The following GRM8 variants were observed in gnomAD, a reference collection of about 807,000 sequenced individuals.
GRM8 encodes glutamate metabotropic receptor 8, also known as metabotropic glutamate receptor 8.
Under a neutral mutation model 87.2 loss-of-function variants are expected in GRM8, and 47 were observed. The ratio of observed to expected loss-of-function variants is 0.54; its 90% CI spans 0.43 to 0.69. The LOEUF (loss-of-function observed/expected upper bound fraction) is 0.69, where lower values mean the gene tolerates loss of function less well. Among genes scored for constraint, GRM8 ranks in the 30% least tolerant of loss-of-function variants. The pLI, the probability that GRM8 is intolerant of heterozygous loss-of-function variation, is 0.00. For synonymous variants in GRM8, 396 were observed against 404.5 expected, an observed-to-expected ratio of 0.98 and a Z score of 0.25; for missense variants, 1,019 against 1,139.2, an observed-to-expected ratio of 0.89 and a Z score of 1.52.
chr7:126,486,293 G>A (rs1424289236), intron 9 of GRM8, among the ~76,000 whole-genome samples: 1 of 152,032 alleles, frequency 6.6e-6, no homozygotes, highest in East Asian at 1.9e-4. Flanking sequence ...TAATTGTAAT[G>A]CATTTAAATG....
At chr7:127,206,495 G>A (rs910258840) in intron 2 of GRM8, among the ~76,000 whole-genome samples, 4 of 152,130 alleles carry the variant, frequency 2.6e-5, no homozygotes, top group African/African-American at 9.7e-5. Flanking sequence ...GATAAAATAA[G>A]TAACATTTTT....
intron 7 of GRM8, among the ~76,000 whole-genome samples, chr7:126,635,517 T>C (rs951066915): frequency 3.2e-4 from 49 of 152,164 alleles, no homozygotes; most frequent in Non-Finnish European, 4.9e-4. Flanking sequence ...AGTTATTTGT[T>C]CCTGAGAATA....
intron 3 of GRM8, among the ~76,000 whole-genome samples, chr7:127,048,750 GAAA>G (rs1055023898): frequency 6.6e-6 from 1 of 152,146 alleles, no homozygotes; most frequent in African/African-American, 2.4e-5. Context: ...TTCACCTTGT[GAAA>G]ATGCTTCATA....
At chr7:126,659,046 G>GCCCCC (rs1244996828) in intron 7 of GRM8, among the ~76,000 whole-genome samples, 1 of 102,726 alleles carries the variant, frequency 9.7e-6, no homozygotes, top group African/African-American at 4.0e-5. Context: ...CCCCCGCCCC[G>GCCCCC]CCCCCAGGTT....
chr7:126,595,545 G>A (rs1257801808), intron 8 of GRM8, among the ~76,000 whole-genome samples: 1 of 151,892 alleles, frequency 6.6e-6, no homozygotes, highest in East Asian at 1.9e-4. Context: ...AGGATTATAG[G>A]TGTGAGCCAC....
intron 6 of GRM8, among the ~76,000 whole-genome samples, chr7:126,842,764 C>T (rs555128072): frequency 6.6e-6 from 1 of 152,284 alleles, no homozygotes; most frequent in Admixed American, 6.5e-5. Flanking sequence ...ATGCAAGCAG[C>T]TTCTAGAAGC....
chr7:127,015,291 C>T lies in GRM8; in HGVS notation c.727+91205G>A, dbSNP rs545475457. Among the ~76,000 whole-genome samples, 3 of 150,510 alleles carry T rather than the reference C, an allele frequency of 2.0e-5. No individual in the cohort carries two copies. In the South Asian group the frequency reaches 6.4e-4, roughly 32 times the overall value. On this transcript the variant is annotated intron_variant, in intron 3 of 10. Coordinates refer to ENST00000339582, the MANE Select transcript of GRM8 (RefSeq NM_000845.3). ...GAGAGAGAGAGAGAGAGAGAATGAA[C>T]ATGAACCAAAGAAGAAAGAGGAAGA...
chr7:126,749,079 G>A (rs1243596199), intron 7 of GRM8, among the ~76,000 whole-genome samples: 1 of 152,054 alleles, frequency 6.6e-6, no homozygotes, highest in Non-Finnish European at 1.5e-5. Flanking sequence ...TTCGAGACCA[G>A]CCTGGCCAAC....
chr7:127,238,852 C>G (rs1798132706), intron 2 of GRM8, among the ~76,000 whole-genome samples: 1 of 152,230 alleles, frequency 6.6e-6, no homozygotes, highest in African/African-American at 2.4e-5. Context: ...CCACTAAGTG[C>G]AGTCTCTGTT....
At chr7:127,216,528 A>C (rs1197004397) in intron 2 of GRM8, among the ~76,000 whole-genome samples, 10 of 150,650 alleles carry the variant, frequency 6.6e-5, no homozygotes, top group Admixed American at 4.6e-4. Context: ...AAAAAAAAAA[A>C]AAAAAACAAA....
chr7:126,813,540 G>T (rs1040147337), intron 6 of GRM8, among the ~76,000 whole-genome samples: 2 of 151,994 alleles, frequency 1.3e-5, no homozygotes, highest in Non-Finnish European at 2.9e-5. Context: ...CAGACAAATT[G>T]GTTACTATCT....
intron 3 of GRM8, among the ~76,000 whole-genome samples, chr7:127,071,093 T>A (rs2132675831): frequency 6.6e-6 from 1 of 152,264 alleles, no homozygotes; most frequent in South Asian, 2.1e-4. Context: ...TCATCCTTAC[T>A]ATTTCACAGA....
intron 2 of GRM8, among the ~76,000 whole-genome samples, chr7:127,149,283 CAT>C (rs372538896): frequency 2.0e-5 from 3 of 151,890 alleles, no homozygotes; most frequent in Admixed American, 6.6e-5. Flanking sequence ...CCAAAGAAGA[CAT>C]AAAAATGGCC....
intron 7 of GRM8, among the ~76,000 whole-genome samples, chr7:126,649,434 T>C (rs1268688866): frequency 1.3e-5 from 2 of 152,216 alleles, no homozygotes; most frequent in East Asian, 1.9e-4. Context: ...CTCCAAGTTC[T>C]TCAGCTTTGG....
chr7:126,805,077 G>A (rs1792524069), intron 6 of GRM8, among the ~76,000 whole-genome samples: 1 of 152,070 alleles, frequency 6.6e-6, no homozygotes, highest in Non-Finnish European at 1.5e-5. Context: ...AATAGTAATA[G>A]AACTCTAACT....
intron 3 of GRM8, among the ~76,000 whole-genome samples, chr7:127,078,135 T>C (rs1822483142): frequency 6.6e-6 from 1 of 152,228 alleles, no homozygotes; most frequent in African/African-American, 2.4e-5. Flanking sequence ...CATATCCAAA[T>C]TCTTTCCACC....
intron 7 of GRM8, among the ~76,000 whole-genome samples, chr7:126,682,279 CTGAA>C (rs1412890121): frequency 2.0e-5 from 3 of 152,172 alleles, no homozygotes; most frequent in African/African-American, 7.2e-5. Context: ...ATCTGAATGA[CTGAA>C]TGCATGAATG....
intron 1 of GRM8, among the ~76,000 whole-genome samples, chr7:127,248,315 C>A (rs978613015): frequency 3.1e-4 from 47 of 152,218 alleles, no homozygotes; most frequent in Admixed American, 2.6e-3. Flanking sequence ...CATTCAGGAT[C>A]TAAGGAACCT....
chr7:126,583,227 G>A (rs1004117338), intron 8 of GRM8, among the ~76,000 whole-genome samples: 1 of 151,720 alleles, frequency 6.6e-6, no homozygotes, highest in Admixed American at 6.6e-5. Flanking sequence ...GTGGTCATGC[G>A]CGCCTGTAGT....
Sources: gnomAD v4.1 joint callset for allele counts (sites outside exome capture counted in the v4.1 genomes callset) on GRCh38, gnomAD v4.1.1 for gene constraint, MANE v1.5 for transcripts, NCBI Gene and HGNC (gene_info 2026-07-23, HGNC 2026-07-21) for gene names.